Variants in ZNF423 observed in about 807,000 individuals in gnomAD.
The protein encoded by ZNF423 is Ebf-associated zinc finger protein.
ZNF423 carries 12 observed loss-of-function variants against 95.8 expected under a neutral mutation model. That is an observed-to-expected ratio of 0.13 (90% CI 0.08 to 0.20). The LOEUF (loss-of-function observed/expected upper bound fraction) is 0.20, where lower values mean the gene tolerates loss of function less well. ZNF423 is among the 10% of genes least tolerant of loss of function. The pLI, the probability that ZNF423 is intolerant of heterozygous loss-of-function variation, is 1.00. For synonymous variants in ZNF423, 749 were observed against 711.9 expected (o/e 1.05, Z -0.83); for missense variants, 1,316 against 1,737.1 (o/e 0.76, Z 4.31).
At chr16:49,696,910 G>C (rs548271888) in intron 3 of ZNF423, among the ~76,000 whole-genome samples, 37 of 152,322 alleles carry the variant, frequency 2.4e-4, no homozygotes, top group Admixed American at 9.1e-4. Flanking sequence ...CTTTCAGGAG[G>C]GGGGCTGGCT....
intron 3 of ZNF423, among the ~76,000 whole-genome samples, chr16:49,668,707 G>GCTGC (rs1316904311): frequency 6.6e-6 from 1 of 152,210 alleles, no homozygotes; most frequent in East Asian, 1.9e-4. Flanking sequence ...ACCCACTAAC[G>GCTGC]CTGCAGACCC....
chr16:49,513,575 C>T (rs1967986815), intron 7 of ZNF423, among the ~76,000 whole-genome samples: 1 of 152,038 alleles, frequency 6.6e-6, no homozygotes, highest in Non-Finnish European at 1.5e-5. Context: ...TCCTCCTTTC[C>T]TGCTTGTGTT....
chr16:49,615,970 A>G (rs956564592), intron 5 of ZNF423, among the ~76,000 whole-genome samples: 2 of 152,132 alleles, frequency 1.3e-5, no homozygotes, highest in East Asian at 3.9e-4. Context: ...CCTTGCTCCC[A>G]CACACACCCA....
chr16:49,625,808 T>C (rs1972241732), intron 5 of ZNF423, among the ~76,000 whole-genome samples: 1 of 152,212 alleles, frequency 6.6e-6, no homozygotes, highest in African/African-American at 2.4e-5. Context: ...TTCACCATGT[T>C]GAGTAGGGAA....
At chr16:49,751,877 T>C (rs1440406342) in intron 2 of ZNF423, among the ~76,000 whole-genome samples, 1 of 152,160 alleles carries the variant, frequency 6.6e-6, no homozygotes, top group Admixed American at 6.5e-5. Context: ...CTGTTTTTCT[T>C]CCTTCCAAGG....
intron 7 of ZNF423, among the ~76,000 whole-genome samples, chr16:49,497,695 G>T (rs565187447): frequency 8.5e-5 from 13 of 152,346 alleles, no homozygotes; most frequent in African/African-American, 2.9e-4. Context: ...GCTCTCACAA[G>T]GCTGGCTTTA....
intron 2 of ZNF423, among the ~76,000 whole-genome samples, chr16:49,778,740 G>A (rs1272698925): frequency 6.6e-6 from 1 of 152,238 alleles, no homozygotes; most frequent in Non-Finnish European, 1.5e-5. Flanking sequence ...TGACGAGAAG[G>A]AGGGGCCCAT....
chr16:49,854,390 C>T (rs1238592197), intron 1 of ZNF423: 3 of 985,326 alleles, frequency 3.0e-6, no homozygotes, highest in Non-Finnish European at 3.6e-6. Flanking sequence ...ATCCTCCTTG[C>T]CAGATTCAGT....
intron 3 of ZNF423, among the ~76,000 whole-genome samples, chr16:49,651,556 A>G (rs1343574642): frequency 1.3e-5 from 2 of 152,058 alleles, no homozygotes; most frequent in African/African-American, 4.8e-5. Context: ...CAGCTCCCCC[A>G]CTTACTATGT....
chr16:49,646,666 G>A (rs1264324831), intron 3 of ZNF423, among the ~76,000 whole-genome samples: 1 of 151,196 alleles, frequency 6.6e-6, no homozygotes, highest in Non-Finnish European at 1.5e-5. Context: ...TGCCTCCTGG[G>A]TTCAAGCAAT....
intron 1 of ZNF423, among the ~76,000 whole-genome samples, chr16:49,812,182 C>A (rs1373599139): frequency 6.6e-6 from 1 of 152,228 alleles, no homozygotes; most frequent in Non-Finnish European, 1.5e-5. Flanking sequence ...GGTTAAGACA[C>A]TTGCTCACGG....
intron 1 of ZNF423, among the ~76,000 whole-genome samples, chr16:49,818,071 C>T (rs1329492756): frequency 6.6e-6 from 1 of 152,146 alleles, no homozygotes; most frequent in African/African-American, 2.4e-5. Context: ...CTGCCATGGT[C>T]ACCTCGCTAC....
chr16:49,806,257 A>G lies in ZNF423; in HGVS notation c.41-16711T>C, dbSNP rs937878698. ...AGGGAGGGGCCACACAACAGCCCAC[A>G]CAACCGCCAGATGAAAGTGGCAGCC... On this transcript the variant is annotated intron_variant, in intron 1 of 7. Transcript: ENST00000563137. Among the ~76,000 whole-genome samples the G allele has an allele frequency of 3.9e-5, 6 of 152,346 alleles. No individual in the cohort carries two copies. The East Asian group carries it at 1.2e-3, about 29-fold the overall frequency.
At chr16:49,707,173 C>G (rs930505965) in intron 3 of ZNF423, among the ~76,000 whole-genome samples, 2 of 152,144 alleles carry the variant, frequency 1.3e-5, no homozygotes, top group East Asian at 3.9e-4. Flanking sequence ...CCTGCCGGTA[C>G]CCCGACGCCC....
At chr16:49,703,502 C>T (rs2032257363) in intron 3 of ZNF423, among the ~76,000 whole-genome samples, 2 of 152,222 alleles carry the variant, frequency 1.3e-5, no homozygotes, top group African/African-American at 4.8e-5. Context: ...CTATCCTCAA[C>T]CTGGTGGCCC....
chr16:49,742,257 A>G (rs913185198), intron 2 of ZNF423, among the ~76,000 whole-genome samples: 2 of 152,078 alleles, frequency 1.3e-5, no homozygotes, highest in Non-Finnish European at 2.9e-5. Flanking sequence ...AGCTTCCCCA[A>G]CCTCACAGAC....
At chr16:49,761,597 G>T (rs1423491562) in intron 2 of ZNF423, among the ~76,000 whole-genome samples, 1 of 152,200 alleles carries the variant, frequency 6.6e-6, no homozygotes, top group Admixed American at 6.5e-5. Flanking sequence ...CAGGGCTGTT[G>T]TAAAGAGTAA....
At chr16:49,566,025 T>C (rs1235574206) in intron 5 of ZNF423, among the ~76,000 whole-genome samples, 1 of 152,064 alleles carries the variant, frequency 6.6e-6, no homozygotes, top group African/African-American at 2.4e-5. Context: ...CTTCCATCCA[T>C]CCTTAACCTG....
intron 7 of ZNF423, among the ~76,000 whole-genome samples, chr16:49,495,840 C>G (rs1394057488): frequency 6.6e-6 from 1 of 152,174 alleles, no homozygotes; most frequent in Non-Finnish European, 1.5e-5. Flanking sequence ...TAGTGTGAAG[C>G]CCAGGATTGC....
Sources: gnomAD v4.1 joint callset for allele counts (sites outside exome capture counted in the v4.1 genomes callset) on GRCh38, gnomAD v4.1.1 for gene constraint, MANE v1.5 for transcripts, NCBI Gene and HGNC (gene_info 2026-07-23, HGNC 2026-07-21) for gene names.